PCDHGA1: variants seen among roughly 807,000 people sequenced by gnomAD.
PCDHGA1 encodes protocadherin gamma subfamily A, 1.
Under a neutral mutation model 58.0 loss-of-function variants are expected in PCDHGA1, and 32 were observed. The observed-to-expected ratio is 0.55, with a 90% confidence interval of 0.42 to 0.74. PCDHGA1 has a LOEUF of 0.74. PCDHGA1 is among the 30% of genes least tolerant of loss of function. PCDHGA1 has a pLI of 0.00. For synonymous variants in PCDHGA1, 498 were observed against 501.1 expected, an observed-to-expected ratio of 0.99 and a Z score of 0.08; for missense variants, 1,205 against 1,182.3, an observed-to-expected ratio of 1.02 and a Z score of -0.28.
rs2154591356 is a variant in PCDHGA1, at chr5:141,493,972, C to G, written c.2422-835C>G. Among the ~76,000 whole-genome samples, 6 of 152,276 alleles carry G rather than the reference C, an allele frequency of 3.9e-5. No homozygotes were observed. In the Middle Eastern group the frequency reaches 0.014, roughly 345 times the overall value. On this transcript the variant is annotated intron_variant, in intron 1 of 3. Coordinates refer to ENST00000517417, the MANE Select transcript of PCDHGA1 (RefSeq NM_018912.3). This position sits in a 1 kb window ranked among gnomAD's most constrained non-coding sequence, Gnocchi z 4.3. ...CAGGAATGAAGTGGCTGGCCAGAGC[C>G]CCACACCTTCAGCTAGGTGGGAGAT...
At chr5:141,440,221 C>A (rs557068282) in intron 1 of PCDHGA1, 2 of 152,450 alleles carry the variant, frequency 1.3e-5, no homozygotes, top group Admixed American at 6.5e-5. Context: ...GTAATCCCAG[C>A]ACTTTGGGAG....
intron 1 of PCDHGA1, chr5:141,338,956 T>G (rs1756792863): frequency 6.6e-7 from 1 of 1,524,536 alleles, no homozygotes; most frequent in Admixed American, 2.2e-5. Context: ...TCGGAGAAAA[T>G]TGCGACAGGA....
chr5:141,433,906 A>G (rs1218318743), intron 1 of PCDHGA1, among the ~76,000 whole-genome samples: 1 of 151,412 alleles, frequency 6.6e-6, no homozygotes, highest in Non-Finnish European at 1.5e-5. Flanking sequence ...ATCACTTATT[A>G]CAATCACCTC....
At chr5:141,421,429 G>T in intron 1 of PCDHGA1, 1 of 1,614,090 alleles carries the variant, frequency 6.2e-7, no homozygotes, top group Non-Finnish European at 8.5e-7. Flanking sequence ...AGTCCGCATC[G>T]TCTCCAGAGG....
At chr5:141,457,071 C>T in intron 1 of PCDHGA1, among the ~76,000 whole-genome samples, 1 of 152,188 alleles carries the variant, frequency 6.6e-6, no homozygotes, top group Non-Finnish European at 1.5e-5. Context: ...TTGCCAGTAA[C>T]TATTATCCCT....
chr5:141,451,237 A>G (rs1405567593), intron 1 of PCDHGA1, among the ~76,000 whole-genome samples: 1 of 152,198 alleles, frequency 6.6e-6, no homozygotes, highest in Non-Finnish European at 1.5e-5. Context: ...TTATTATCTC[A>G]TAAATTTTGT....
Position 141,418,052 on chromosome 5 carries a change from G to A in PCDHGA1, c.2422-76755G>A, listed in dbSNP as rs202112422. 1.2e-3 allele frequency: 1,918 copies of A among 1,613,866 alleles called. 6 individuals are homozygous for A. Among genetic ancestry groups the A allele is most frequent in the East Asian group, 2.1e-3 (96 of 44,758 alleles). On this transcript the variant is annotated intron_variant, in intron 1 of 3. Coordinates refer to ENST00000517417, the MANE Select transcript of PCDHGA1 (RefSeq NM_018912.3). ...TAGTGTCCTGGATGTGTCGGCTCGC[G>A]AGCTGCGAGTGAGCGCGGAGAAGCT...
At chr5:141,419,762 AAGGACTCG>A (rs1468964539) in intron 1 of PCDHGA1, 2 of 1,614,008 alleles carry the variant, frequency 1.2e-6, no homozygotes, top group South Asian at 2.2e-5. Context: ...TTTGGGTGAC[AAGGACTCG>A]GTCCGCCAGC....
rs772864846 is a variant in PCDHGA1, at chr5:141,352,076, C to T, written c.2421+18971C>T. ...CGCTTGGCTGTCCTACCACGTGCTGCAGGCCAGCGAGCCCGGGCTCTTCAG... is the reference window on the plus strand; with the variant it reads ...CGCTTGGCTGTCCTACCACGTGCTGTAGGCCAGCGAGCCCGGGCTCTTCAG... On this transcript the variant is annotated intron_variant, in intron 1 of 3. Transcript: ENST00000517417. 7.5e-6 allele frequency: 12 copies of T among 1,604,858 alleles called. No individual in the cohort carries two copies. In the African/African-American group the frequency reaches 1.2e-4, roughly 16 times the overall value.
Position 141,331,166 on chromosome 5 carries a change from A to AT in PCDHGA1, c.483dup (p.Val162CysfsTer14), listed in dbSNP as rs1385151194. The AT allele has an allele frequency of 3.1e-6, 5 of 1,614,044 alleles. No homozygotes were observed. Among genetic ancestry groups the AT allele is most frequent in the Non-Finnish European group, 4.2e-6 (5 of 1,180,038 alleles). ...TCATTGCCTTTTGGGCAAGACCTTGATGTGGGTATGAACTCACTCCAGAGC... is the reference window on the plus strand; with the variant it reads ...TCATTGCCTTTTGGGCAAGACCTTGATTGTGGGTATGAACTCACTCCAGAGC... On this transcript the variant is annotated frameshift_variant, in exon 1 of 4. Transcript: ENST00000517417. LOFTEE classifies it high-confidence loss of function.
chr5:141,390,851 G>T (rs2092239783), intron 1 of PCDHGA1: 1 of 157,664 alleles, frequency 6.3e-6, no homozygotes. Context: ...ATTATATGCA[G>T]TGTACGCTGT....
At position 141,410,277 on chromosome 5, in the gene PCDHGA1, T is replaced by C. The variant is rs1461250700; in HGVS notation, c.2421+77172T>C. 2.5e-6 allele frequency: 4 copies of C among 1,614,014 alleles called. No homozygotes were observed. In the Admixed American group the frequency reaches 6.7e-5, roughly 27 times the overall value. ...CCCCAGGCTGAACTGCAGTTTTACC[T>C]GGTGGTGGCCTTGGCCTTAATCTCA... On this transcript the variant is annotated intron_variant, in intron 1 of 3. Transcript: ENST00000517417.
Position 141,432,741 on chromosome 5 carries a change from C to A in PCDHGA1, c.2422-62066C>A. 6.2e-7 allele frequency: 1 copy of A among 1,614,106 alleles called. No individual in the cohort carries two copies. The highest frequency in any genetic ancestry group is 8.5e-7 in the Non-Finnish European group (1 of 1,179,988). On this transcript the variant is annotated intron_variant, in intron 1 of 3. Transcript: ENST00000517417. The surrounding 1 kb of genome is among the most constrained non-coding windows in gnomAD (Gnocchi z 6.0). ...CCTCTCTCCGCCACTGTCACGCTCA[C>A]CGTGGCCGTGGCCGACAGCATCCCC...
intron 1 of PCDHGA1, among the ~76,000 whole-genome samples, chr5:141,450,830 T>A (rs923422605): frequency 3.0e-5 from 3 of 101,548 alleles, no homozygotes; most frequent in African/African-American, 1.3e-4. Context: ...ATTATTATTA[T>A]TTTTTTTTTT....
rs532087470 is a variant in PCDHGA1, at chr5:141,414,020, C to T, written c.2422-80787C>T. 9 of 1,612,620 alleles carry T rather than the reference C, an allele frequency of 5.6e-6. No homozygotes were observed. The East Asian group carries it at 1.8e-4, about 32-fold the overall frequency. The stretch of plus-strand genomic sequence containing the variant: ...GACGAAGGTGCCAATGGAGAAGTGA[C>T]ATATTCATTCCGAAAATTACCTGAC... On this transcript the variant is annotated intron_variant, in intron 1 of 3. Transcript: ENST00000517417.
chr5:141,398,835 T>G (rs371527677), intron 1 of PCDHGA1: 60 of 1,613,796 alleles, frequency 3.7e-5, no homozygotes, highest in Non-Finnish European at 4.9e-5. Context: ...CCGACGCCAA[T>G]GATAATCCCC....
At chr5:141,423,790 T>C (rs1561813105) in intron 1 of PCDHGA1, 2 of 1,261,874 alleles carry the variant, frequency 1.6e-6, no homozygotes, top group Non-Finnish European at 1.0e-6. Context: ...TTCATATATA[T>C]TTAGAGCAAT....
intron 1 of PCDHGA1, chr5:141,351,914 A>C (rs2149766078): frequency 6.2e-7 from 1 of 1,613,370 alleles, no homozygotes. Flanking sequence ...GGGCGACCTC[A>C]ATGACAATGC....
At position 141,505,403 on chromosome 5, in the gene PCDHGA1, G is replaced by A; in HGVS notation, c.2491G>A (p.Gly831Ser). The A allele has an allele frequency of 6.2e-7, 1 of 1,614,186 alleles. No individual in the cohort carries two copies. The highest frequency in any genetic ancestry group is 8.5e-7 in the Non-Finnish European group (1 of 1,180,038). ...QRPGTSGSQN[G>S]DDTGTWPNNQ... ...CTACTCTCTCCCCAGCTCCCAAAAT[G>A]GCGATGACACCGGCACCTGGCCCAA... Residue 831 changes from glycine (G) to serine (S), a missense_variant, in exon 3 of 4, where the codon GGC (glycine) becomes AGC (serine). Coordinates refer to ENST00000517417, the MANE Select transcript of PCDHGA1 (RefSeq NM_018912.3).
Sources: gnomAD v4.1 joint callset for allele counts (sites outside exome capture counted in the v4.1 genomes callset) on GRCh38, gnomAD v4.1.1 for gene constraint, Gnocchi (gnomAD v3.1) non-coding constraint, MANE v1.5 for transcripts, NCBI Gene and HGNC (gene_info 2026-07-23, HGNC 2026-07-21) for gene names.